Variants in FRAS1 observed in about 807,000 individuals in gnomAD.
FRAS1 encodes the protein extracellular matrix organizing protein FRAS1.
FRAS1 carries 290 observed loss-of-function variants against 435.2 expected under a neutral mutation model. The ratio of observed to expected loss-of-function variants is 0.67; its 90% CI spans 0.61 to 0.73. The LOEUF (loss-of-function observed/expected upper bound fraction) is 0.73, where lower values mean the gene tolerates loss of function less well. Among genes scored for constraint, FRAS1 ranks in the 30% least tolerant of loss-of-function variants. FRAS1 has a pLI of 0.00. For synonymous variants in FRAS1, 1,800 were observed against 1,851.0 expected, an observed-to-expected ratio of 0.97 and a Z score of 0.71; for missense variants, 4,860 against 5,001.5, an observed-to-expected ratio of 0.97 and a Z score of 0.85.
chr4:78,395,978 G>C (rs1355585212), intron 29 of FRAS1, among the ~76,000 whole-genome samples: 1 of 151,738 alleles, frequency 6.6e-6, no homozygotes, highest in Non-Finnish European at 1.5e-5. Flanking sequence ...TTTTTTTGTA[G>C]TGGTATGTTT....
chr4:78,426,934 T>G (rs984396768), intron 35 of FRAS1, among the ~76,000 whole-genome samples: 3 of 152,206 alleles, frequency 2.0e-5, no homozygotes, highest in Admixed American at 1.3e-4. Flanking sequence ...ACTAAACAGC[T>G]GTATGATGTG....
At chr4:78,179,539 C>T (rs1721913316) in intron 2 of FRAS1, among the ~76,000 whole-genome samples, 1 of 152,152 alleles carries the variant, frequency 6.6e-6, no homozygotes, top group Non-Finnish European at 1.5e-5. Context: ...CTTCCCTGCT[C>T]CAGAAAATAT....
chr4:78,466,458 G>A (rs1048177381), intron 50 of FRAS1, 23 bp downstream of exon 50: 11 of 1,572,078 alleles, frequency 7.0e-6, no homozygotes, highest in Non-Finnish European at 9.6e-6. Context: ...GACACTGGAG[G>A]AGGTAGCCTA....
Position 78,407,649 on chromosome 4 carries a change from C to T in FRAS1, c.4130-14C>T. 2 of 1,601,848 alleles carry T rather than the reference C, an allele frequency of 1.2e-6. No homozygotes were observed. Among genetic ancestry groups the T allele is most frequent in the Non-Finnish European group, 1.7e-6 (2 of 1,174,640 alleles). On this transcript the variant is annotated splice_polypyrimidine_tract_variant and intron_variant, in intron 30 of 73. Coordinates refer to ENST00000512123, the MANE Select transcript of FRAS1 (RefSeq NM_025074.7). The stretch of plus-strand genomic sequence containing the variant: ...TAGGGACCCTCACTAACTATGTGGC[C>T]TGTGCCTTCCTAGGGGAGGTGGTCC...
intron 73 of FRAS1, among the ~76,000 whole-genome samples, chr4:78,540,173 C>T (rs1722004207): frequency 2.0e-5 from 3 of 152,178 alleles, no homozygotes; most frequent in Admixed American, 6.5e-5. Flanking sequence ...AATTGAAGGT[C>T]ACTGTAAATA....
At chr4:78,443,450 T>C (rs1734740702) in intron 41 of FRAS1, among the ~76,000 whole-genome samples, 1 of 152,258 alleles carries the variant, frequency 6.6e-6, no homozygotes, top group Admixed American at 6.5e-5. Context: ...GCTTTTACTT[T>C]TCACCAAGAA....
chr4:78,152,554 G>T (rs1720710485), intron 2 of FRAS1, among the ~76,000 whole-genome samples: 1 of 143,236 alleles, frequency 7.0e-6, no homozygotes, highest in Non-Finnish European at 1.5e-5. Flanking sequence ...TTCAATTCAA[G>T]AAAAGACTCT....
intron 6 of FRAS1, among the ~76,000 whole-genome samples, chr4:78,262,002 T>G (rs1444221602): frequency 6.6e-6 from 1 of 152,210 alleles, no homozygotes; most frequent in Non-Finnish European, 1.5e-5. Flanking sequence ...CAGACTATAG[T>G]CACTGCTTGA....
At chr4:78,227,501 G>A (rs951983711) in intron 2 of FRAS1, among the ~76,000 whole-genome samples, 1 of 152,206 alleles carries the variant, frequency 6.6e-6, no homozygotes, top group Non-Finnish European at 1.5e-5. Flanking sequence ...CCTCTGCCAG[G>A]TTTAGAAACA....
At chr4:78,255,967 T>C (rs1464920294) in intron 6 of FRAS1, among the ~76,000 whole-genome samples, 1 of 152,190 alleles carries the variant, frequency 6.6e-6, no homozygotes, top group East Asian at 1.9e-4. Flanking sequence ...GTATTTTATA[T>C]TATAGTTTTT....
At chr4:78,069,982 T>C (rs1740252152) in intron 2 of FRAS1, among the ~76,000 whole-genome samples, 1 of 152,012 alleles carries the variant, frequency 6.6e-6, no homozygotes, top group Non-Finnish European at 1.5e-5. Flanking sequence ...ACAACTAGCT[T>C]ACTTCACCAC....
chr4:78,288,408 A>G (rs1727719279), intron 14 of FRAS1, among the ~76,000 whole-genome samples: 1 of 152,174 alleles, frequency 6.6e-6, no homozygotes. Flanking sequence ...CACATACCAC[A>G]TACATATGAC....
intron 6 of FRAS1, among the ~76,000 whole-genome samples, chr4:78,258,535 T>C (rs894195233): frequency 6.6e-6 from 1 of 151,226 alleles, no homozygotes; most frequent in African/African-American, 2.4e-5. Context: ...TTTAGTGCCA[T>C]GGAGGAGAAA....
Position 78,435,251 on chromosome 4 carries a change from G to A in FRAS1, c.5217+2647G>A, listed in dbSNP as rs555149155. On this transcript the variant is annotated intron_variant, in intron 38 of 73. Transcript: ENST00000512123. ...CACTTGCTCCAGGGTGGATGACAGA[G>A]CAAGCCCCTTTCTCAAAAACAAACA... Among the ~76,000 whole-genome samples, 3 of 152,182 alleles carry A rather than the reference G, an allele frequency of 2.0e-5. No homozygotes were observed. In the South Asian group the frequency reaches 6.2e-4, roughly 32 times the overall value.
At chr4:78,233,616 G>C (rs1432555699) in intron 2 of FRAS1, among the ~76,000 whole-genome samples, 1 of 152,232 alleles carries the variant, frequency 6.6e-6, no homozygotes, top group African/African-American at 2.4e-5. Context: ...GCCAGACACT[G>C]TTCACATATC....
chr4:78,483,471 G>T (rs893380434), intron 58 of FRAS1, among the ~76,000 whole-genome samples: 1 of 152,022 alleles, frequency 6.6e-6, no homozygotes, highest in Admixed American at 6.6e-5. Context: ...TAAAGCAGCA[G>T]GACCCTCATT....
chr4:78,245,374 C>G (rs1468997393), intron 4 of FRAS1, 49 bp downstream of exon 4: 1 of 1,291,136 alleles, frequency 7.7e-7, no homozygotes, highest in Non-Finnish European at 1.1e-6. Flanking sequence ...AGATCTCTGA[C>G]AAGGGAAAAG....
chr4:78,540,967 G>A lies in FRAS1; in HGVS notation c.11882G>A (p.Arg3961Gln), dbSNP rs370319615. ...GAAGTGCCCAAGAGGCACCCGGACC[G>A]GGTGGAGAAGAACGTGAATAGACAC... ...KVEVPKRHPD[R>Q]VEKNVNRHYC... is the part of the protein sequence containing the mutation. Residue 3961 changes from arginine (R) to glutamine (Q), a missense_variant, in exon 74 of 74, where the codon CGG (arginine) becomes CAG (glutamine). By Grantham distance (43) the Arg-to-Gln change is conservative (BLOSUM62 1). Coordinates refer to ENST00000512123, the MANE Select transcript of FRAS1 (RefSeq NM_025074.7). 5.6e-5 allele frequency: 90 copies of A among 1,613,630 alleles called. No homozygotes were observed. In the East Asian group the frequency reaches 1.2e-3, roughly 22 times the overall value.
chr4:78,074,135 C>A (rs891742849), intron 2 of FRAS1, among the ~76,000 whole-genome samples: 3 of 124,568 alleles, frequency 2.4e-5, no homozygotes, highest in Non-Finnish European at 3.2e-5. Flanking sequence ...TATGTCATTT[C>A]TTTCCTCCAA....
Sources: gnomAD v4.1 joint callset for allele counts (sites outside exome capture counted in the v4.1 genomes callset) on GRCh38, gnomAD v4.1.1 for gene constraint, MANE v1.5 for transcripts, NCBI Gene and HGNC (gene_info 2026-07-23, HGNC 2026-07-21) for gene names.